The following TENM3 variants were observed in gnomAD, a reference collection of about 807,000 sequenced individuals.
TENM3 encodes the protein teneurin-3.
Under a neutral mutation model 255.1 loss-of-function variants are expected in TENM3, and 63 were observed. That is an observed-to-expected ratio of 0.25 (90% CI 0.20 to 0.30). The LOEUF (loss-of-function observed/expected upper bound fraction) is 0.30. Ranked by LOEUF, TENM3 falls within the 10% of genes least tolerant of loss-of-function variation. TENM3 has a pLI of 1.00. For missense variants in TENM3, 2,929 were observed against 3,461.1 expected, an observed-to-expected ratio of 0.85 and a Z score of 3.86; for synonymous variants, 1,306 against 1,322.3, an observed-to-expected ratio of 0.99 and a Z score of 0.27.
At chr4:181,644,253 G>A in the TENM3 span, among the ~76,000 whole-genome samples, 3 of 151,876 alleles carry the variant, frequency 2.0e-5, no homozygotes, top group African/African-American at 7.3e-5. Context: ...GCCCGTAATA[G>A]TTTCTGATTA....
chr4:181,679,726 G>C, the TENM3 span, among the ~76,000 whole-genome samples: 1 of 152,054 alleles, frequency 6.6e-6, no homozygotes. Flanking sequence ...CAAAACATTT[G>C]ATCAAGTGTA....
chr4:182,631,741 C>A (rs1245296984), intron 5 of TENM3: 1 of 152,086 alleles, frequency 6.6e-6, no homozygotes, highest in Non-Finnish European at 1.5e-5. Flanking sequence ...CCTTAGAATT[C>A]CCTTCTCTTA....
intron 12 of TENM3, among the ~76,000 whole-genome samples, chr4:182,702,545 C>G (rs1561131307): frequency 6.6e-6 from 1 of 152,106 alleles, no homozygotes; most frequent in Admixed American, 6.5e-5. Flanking sequence ...ATGTATTGAG[C>G]ATTTACTACT....
At chr4:181,510,007 C>G in the TENM3 span, among the ~76,000 whole-genome samples, 4 of 152,180 alleles carry the variant, frequency 2.6e-5, no homozygotes, top group Admixed American at 2.0e-4. Flanking sequence ...TCTTTTCAAG[C>G]TTTATCGGTG....
intron 3 of TENM3, among the ~76,000 whole-genome samples, chr4:182,479,418 G>C (rs1348090261): frequency 6.6e-6 from 1 of 151,602 alleles, no homozygotes; most frequent in Non-Finnish European, 1.5e-5. Context: ...ATTTATTATA[G>C]TCAGCCCATC....
At chr4:182,771,112 C>T (rs1226387212) in intron 22 of TENM3, among the ~76,000 whole-genome samples, 1 of 152,064 alleles carries the variant, frequency 6.6e-6, no homozygotes, top group East Asian at 1.9e-4. Context: ...CTCCCTGTGC[C>T]GAGGATCCTG....
chr4:182,054,376 A>T, the TENM3 span, among the ~76,000 whole-genome samples: 1 of 152,222 alleles, frequency 6.6e-6, no homozygotes, highest in Admixed American at 6.5e-5. Context: ...TGTAGAGATT[A>T]ATTTCTTTAG....
chr4:182,715,022 T>G (rs1183864697), intron 13 of TENM3, among the ~76,000 whole-genome samples: 4 of 152,178 alleles, frequency 2.6e-5, no homozygotes, highest in Admixed American at 2.0e-4. Flanking sequence ...GTAGCTGGGA[T>G]TACAGGCATG....
the TENM3 span, among the ~76,000 whole-genome samples, chr4:181,601,014 T>C: frequency 6.6e-6 from 1 of 152,156 alleles, no homozygotes; most frequent in African/African-American, 2.4e-5. Context: ...GTTTGAGATT[T>C]GCAGCTTCCT....
intron 24 of TENM3, among the ~76,000 whole-genome samples, chr4:182,781,020 CCT>C (rs1250948574): frequency 6.6e-6 from 1 of 151,038 alleles, no homozygotes; most frequent in Non-Finnish European, 1.5e-5. Context: ...AATTTGACTT[CCT>C]CTTTTCCTAA....
At chr4:181,987,957 C>A in the TENM3 span, among the ~76,000 whole-genome samples, 4 of 151,580 alleles carry the variant, frequency 2.6e-5, no homozygotes, top group Non-Finnish European at 5.9e-5. Flanking sequence ...GATGAAGGGG[C>A]AAGAGAGAAA....
chr4:182,420,703 T>A (rs1309766970), intron 3 of TENM3, among the ~76,000 whole-genome samples: 1 of 152,226 alleles, frequency 6.6e-6, no homozygotes, highest in African/African-American at 2.4e-5. Context: ...ACTCTTAGCA[T>A]TGACATGAGG....
intron 3 of TENM3, among the ~76,000 whole-genome samples, chr4:182,567,832 G>T: frequency 9.5e-6 from 1 of 105,666 alleles, no homozygotes; most frequent in Non-Finnish European, 2.0e-5. Context: ...CCCCCCAATA[G>T]AATGTAATCC....
the TENM3 span, among the ~76,000 whole-genome samples, chr4:181,897,083 C>T: frequency 2.9e-3 from 436 of 152,324 alleles, 2 homozygotes; most frequent in African/African-American, 0.01. Context: ...CTCGATTCCT[C>T]CATAGGGATT....
At chr4:181,796,273 T>C in the TENM3 span, among the ~76,000 whole-genome samples, 1 of 152,144 alleles carries the variant, frequency 6.6e-6, no homozygotes, top group African/African-American at 2.4e-5. Flanking sequence ...TCGGACCCAA[T>C]CACAGCAAAT....
intron 3 of TENM3, among the ~76,000 whole-genome samples, chr4:182,569,752 A>G (rs955130826): frequency 5.9e-5 from 9 of 152,158 alleles, no homozygotes; most frequent in African/African-American, 2.2e-4. Context: ...GCCAGTGATG[A>G]CTATGCCACA....
At chr4:181,450,265 A>G in the TENM3 span, among the ~76,000 whole-genome samples, 4 of 152,258 alleles carry the variant, frequency 2.6e-5, no homozygotes, top group East Asian at 1.9e-4. Flanking sequence ...TAATGATACA[A>G]TGGGTTCTAT....
intron 1 of TENM3, among the ~76,000 whole-genome samples, chr4:182,225,932 A>G (rs1579799989): frequency 6.6e-6 from 1 of 152,180 alleles, no homozygotes; most frequent in Non-Finnish European, 1.5e-5. Context: ...CAGCTCAGCA[A>G]CAGGCACCTT....
chr4:182,460,510 A>G (rs369188332), intron 3 of TENM3, among the ~76,000 whole-genome samples: 13 of 152,288 alleles, frequency 8.5e-5, no homozygotes, highest in African/African-American at 3.1e-4. Context: ...TATACCAGCT[A>G]TACACTAGCG....
Sources: allele counts gnomAD v4.1 joint callset (sites outside exome capture counted in the v4.1 genomes callset), GRCh38; gene constraint gnomAD v4.1.1; transcripts MANE v1.5; gene names NCBI Gene and HGNC (gene_info 2026-07-23, HGNC 2026-07-21).